Variants in PDLIM1 observed in about 807,000 individuals in gnomAD.
PDLIM1 encodes the protein PDZ and LIM domain 1, also known as PDZ and LIM domain protein 1.
A neutral mutation model predicts 35.2 loss-of-function variants in PDLIM1; 25 were observed. The ratio of observed to expected loss-of-function variants is 0.71; its 90% confidence interval spans 0.52 to 0.99. PDLIM1 has a LOEUF of 0.99. Among genes scored for constraint, PDLIM1 ranks in the 50% least tolerant of loss-of-function variants. The probability of loss-of-function intolerance (pLI) is 0.00; values close to 1 mark genes in which losing one functional copy is unlikely to be tolerated. For missense variants in PDLIM1, 363 were observed against 415.3 expected (o/e 0.87, Z 1.09); for synonymous variants, 152 against 154.0 (o/e 0.99, Z 0.10).
At chr10:95,271,597 A>C (rs1415166410) in intron 2 of PDLIM1, 36 bp downstream of exon 2, 2 of 1,561,210 alleles carry the variant, frequency 1.3e-6, no homozygotes, top group Non-Finnish European at 1.7e-6. Flanking sequence ...GCTTCTAGTC[A>C]ATCAGAAATG....
intron 4 of PDLIM1, among the ~76,000 whole-genome samples, chr10:95,263,114 C>CAT (rs1172376230): frequency 6.7e-6 from 1 of 149,844 alleles, no homozygotes. Context: ...CACTGTACTC[C>CAT]AGCCTGGGTG....
intron 1 of PDLIM1, among the ~76,000 whole-genome samples, chr10:95,275,025 T>C (rs772965032): frequency 3.4e-4 from 52 of 152,204 alleles, no homozygotes; most frequent in Non-Finnish European, 6.6e-4. Context: ...CAGCCATTAT[T>C]CCAGAGCTCA....
At chr10:95,280,498 T>C (rs1196995300) in intron 1 of PDLIM1, among the ~76,000 whole-genome samples, 1 of 152,214 alleles carries the variant, frequency 6.6e-6, no homozygotes, top group African/African-American at 2.4e-5. Context: ...AGAAATACTT[T>C]ATGACTAGGA....
chr10:95,264,906 G>C (rs2035399142), intron 3 of PDLIM1, among the ~76,000 whole-genome samples: 1 of 151,914 alleles, frequency 6.6e-6, no homozygotes, highest in African/African-American at 2.4e-5. Context: ...TAAAACTACA[G>C]CTTTTCTACT....
chr10:95,239,550 C>A (rs2035158267), intron 5 of PDLIM1, among the ~76,000 whole-genome samples: 1 of 152,192 alleles, frequency 6.6e-6, no homozygotes, highest in Non-Finnish European at 1.5e-5. Flanking sequence ...AATCCCAACA[C>A]TTTGGGAGGC....
chr10:95,250,353 T>A (rs7916473), intron 4 of PDLIM1, among the ~76,000 whole-genome samples: 2,333 of 138,222 alleles, frequency 0.017, 38 homozygotes, highest in African/African-American at 0.042. Context: ...TTCTATAATT[T>A]AAAAAAAAAA....
At chr10:95,271,562 G>T in intron 2 of PDLIM1, 71 bp downstream of exon 2, 1 of 1,342,946 alleles carries the variant, frequency 7.4e-7, no homozygotes, top group Non-Finnish European at 1.0e-6. Flanking sequence ...TCTGAGATAG[G>T]GAAGGCAGTC....
chr10:95,283,692 C>T (rs993375975), intron 1 of PDLIM1, among the ~76,000 whole-genome samples: 2 of 152,190 alleles, frequency 1.3e-5, no homozygotes, highest in African/African-American at 2.4e-5. Flanking sequence ...AACAATTACG[C>T]GGGCTTCTAT....
In PDLIM1 at chr10:95,247,344, T is replaced by A; in HGVS notation, c.556A>T (p.Ser186Cys). 6.2e-7 allele frequency: 1 copy of A among 1,614,098 alleles called. No homozygotes were observed. The highest frequency in any genetic ancestry group is 1.3e-5 in the African/African-American group (1 of 75,056). Residue 186 changes from serine to cysteine, a missense_variant, in exon 5 of 7, where the codon AGC (serine) becomes TGC (cysteine). By Grantham distance (112) the Ser-to-Cys change is moderately radical. Coordinates refer to ENST00000329399, the MANE Select transcript of PDLIM1 (RefSeq NM_020992.4). ...GATTCTTTGTCGATGACAAGGCTGC[T>A]TGGAGGCTGAGCATGGTCTAAGCTG... ...SRPLDHAQPP[S>C]SLVIDKESEV...
chr10:95,280,321 G>A (rs938080435), intron 1 of PDLIM1, among the ~76,000 whole-genome samples: 2 of 152,130 alleles, frequency 1.3e-5, no homozygotes, highest in Non-Finnish European at 2.9e-5. Context: ...GTTGCAATGA[G>A]CCAAGATCAC....
At position 95,237,853 on chromosome 10, in the gene PDLIM1, G is replaced by A; in HGVS notation, c.*72C>T. ...AGTAAGCAGAGAACTTTCAAGAGAG[G>A]AGAGGGCCAGAACACTGAGAGAAAA... On this transcript the variant is annotated 3_prime_UTR_variant, in exon 7 of 7. Coordinates refer to ENST00000329399, the MANE Select transcript of PDLIM1 (RefSeq NM_020992.4). The A allele has an allele frequency of 7.5e-7, 1 of 1,325,158 alleles. No individual in the cohort carries two copies. The highest frequency in any genetic ancestry group is 1.1e-6 in the Non-Finnish European group (1 of 946,546). 82.1% of individuals were successfully genotyped at this position (1,325,158 alleles called of 1,614,324 possible).
chr10:95,249,195 C>T (rs997929918), intron 4 of PDLIM1, among the ~76,000 whole-genome samples: 2 of 152,208 alleles, frequency 1.3e-5, no homozygotes, highest in Admixed American at 1.3e-4. Flanking sequence ...GGGCCTCCTT[C>T]CTCCTTGCTG....
At position 95,263,911 on chromosome 10, in the gene PDLIM1, G is replaced by A; in HGVS notation, c.486C>T (p.Ala162=). 2 of 1,613,936 alleles carry A rather than the reference G, an allele frequency of 1.2e-6. No homozygotes were observed. The highest frequency in any genetic ancestry group is 1.7e-6 in the Non-Finnish European group (2 of 1,180,000). Residue 162 remains alanine, a synonymous_variant, in exon 4 of 7, where the codon GCC becomes GCT. Transcript: ENST00000329399. ...SSENISNFNN[A]LESKTAASGV... ...CGCTGGCAGCAGTCTTTGACTCCAGGGCATTGTTGAAGTTGGAGATATTTT... is the reference window on the plus strand; with the variant it reads ...CGCTGGCAGCAGTCTTTGACTCCAGAGCATTGTTGAAGTTGGAGATATTTT...
At chr10:95,255,858 C>T (rs2035306537) in intron 4 of PDLIM1, among the ~76,000 whole-genome samples, 1 of 145,536 alleles carries the variant, frequency 6.9e-6, no homozygotes, top group Non-Finnish European at 1.5e-5. Context: ...TTCAAAGATG[C>T]GATGATCGAA....
intron 3 of PDLIM1, among the ~76,000 whole-genome samples, chr10:95,265,189 A>C (rs7095761): frequency 0.61 from 92,113 of 150,976 alleles, 29,441 homozygotes; most frequent in Non-Finnish European, 0.71. Flanking sequence ...TTTGTTAAAT[A>C]TTCAAGTCTT....
At chr10:95,282,796 T>A (rs1272513047) in intron 1 of PDLIM1, among the ~76,000 whole-genome samples, 4 of 151,996 alleles carry the variant, frequency 2.6e-5, no homozygotes, top group African/African-American at 9.7e-5. Flanking sequence ...TACAAAAAAT[T>A]AGCCAGGTGT....
chr10:95,238,368 T>C lies in PDLIM1; in HGVS notation c.803+200A>G, dbSNP rs1485441636. Among the ~76,000 whole-genome samples the C allele has an allele frequency of 2.0e-5, 3 of 152,182 alleles. No homozygotes were observed. In the East Asian group the frequency reaches 5.8e-4, roughly 29 times the overall value. ...TGATTTTTCTCATTTTACATGTTCA[T>C]AACCTAAGGGCTCCGCAGTGAAGGA... On this transcript the variant is annotated intron_variant, in intron 6 of 6. Transcript: ENST00000329399.
intron 2 of PDLIM1, among the ~76,000 whole-genome samples, chr10:95,269,449 A>G (rs889070430): frequency 1.3e-5 from 2 of 151,808 alleles, no homozygotes; most frequent in South Asian, 2.1e-4. Context: ...GCATACGCCT[A>G]TAATCCCAGC....
intron 2 of PDLIM1, among the ~76,000 whole-genome samples, chr10:95,269,128 C>T (rs928642319): frequency 6.6e-6 from 1 of 152,204 alleles, no homozygotes; most frequent in Non-Finnish European, 1.5e-5. Context: ...CTGACACCAG[C>T]AGTGTGGTCT....
Sources: allele counts gnomAD v4.1 joint callset (sites outside exome capture counted in the v4.1 genomes callset), GRCh38; gene constraint gnomAD v4.1.1; transcripts MANE v1.5; gene names NCBI Gene and HGNC (gene_info 2026-07-23, HGNC 2026-07-21).